NAB2: variants seen among roughly 807,000 people sequenced by gnomAD.
NAB2 encodes the protein NGFI-A binding protein 2.
Under a neutral mutation model 44.2 loss-of-function variants are expected in NAB2, and 9 were observed. The observed-to-expected ratio is 0.20, with a 90% confidence interval of 0.12 to 0.36. NAB2 has a LOEUF of 0.36. Among genes scored for constraint, NAB2 ranks in the 10% least tolerant of loss-of-function variants. The pLI, the probability that NAB2 is intolerant of heterozygous loss-of-function variation, is 1.00. For missense variants in NAB2, 514 were observed against 709.0 expected (o/e 0.73, Z 3.12); for synonymous variants, 342 against 291.0 (o/e 1.18, Z -1.78).
chr12:57,093,107 C>T lies in NAB2; in HGVS notation c.1188C>T (p.Gly396=). ...CTGAAATCCAGCAGCCTCCCCCAGG[C>T]CCTGAGTCCTATGTACCCCCATACC... is the stretch of plus-strand genomic sequence containing the variant. ...SHPEIQQPPP[G]PESYVPPYRP... The change falls in exon 5 of 7, where the codon GGC becomes GGT. Residue 396 remains glycine (G), a synonymous_variant. Coordinates refer to ENST00000300131, the MANE Select transcript of NAB2 (RefSeq NM_005967.4). 1.9e-6 allele frequency: 3 copies of T among 1,613,282 alleles called. No homozygotes were observed. The highest frequency in any genetic ancestry group is 2.5e-6 in the Non-Finnish European group (3 of 1,179,504).
intron 1 of NAB2, 36 bp downstream of exon 1, chr12:57,089,390 T>C (rs1423029443): frequency 8.0e-7 from 1 of 1,246,204 alleles, no homozygotes; most frequent in Non-Finnish European, 1.0e-6. Flanking sequence ...GGAGTGGAGA[T>C]GGGTGGAGCT....
chr12:57,089,615 C>T (rs1236987940), intron 1 of NAB2, among the ~76,000 whole-genome samples: 1 of 152,012 alleles, frequency 6.6e-6, no homozygotes, highest in Non-Finnish European at 1.5e-5. Context: ...CCTAAGAGCC[C>T]CCTGCAAAGA....
rs544483194 is a variant in NAB2 at position 57,092,459 on chromosome 12, C to T, written c.969C>T (p.Asn323=). ...KQLSLHELTI[N]EAAAQFCMRD... is the part of the protein sequence containing the mutation. ...CCCTCCCTCCACAGCTCACCATCAACGAGGCTGCTGCCCAGTTCTGCATGA... is the reference window on the plus strand; with the variant it reads ...CCCTCCCTCCACAGCTCACCATCAATGAGGCTGCTGCCCAGTTCTGCATGA... Residue 323 remains asparagine, a synonymous_variant, in exon 3 of 7, where the codon AAC becomes AAT. Coordinates refer to ENST00000300131, the MANE Select transcript of NAB2 (RefSeq NM_005967.4). 4.2e-5 allele frequency: 68 copies of T among 1,613,978 alleles called. No individual in the cohort carries two copies. In the South Asian group the frequency reaches 4.4e-4, roughly 10 times the overall value.
At position 57,089,115 on chromosome 12, in the gene NAB2, G is replaced by C. The variant is rs1355982704; in HGVS notation, c.-157G>C. On this transcript the variant is annotated 5_prime_UTR_variant, in exon 1 of 7. Transcript: ENST00000300131. ...GGGAGGGTGGGGGGGCAGAGGCACAGACAGAGGCGCGGAGGCTCGGAGAGA... is the reference window on the plus strand; with the variant it reads ...GGGAGGGTGGGGGGGCAGAGGCACACACAGAGGCGCGGAGGCTCGGAGAGA... 1.3e-6 allele frequency: 1 copy of C among 759,944 alleles called. No homozygotes were observed. The highest frequency in any genetic ancestry group is 2.1e-6 in the Non-Finnish European group (1 of 472,560). The allele number at this position is 759,944 out of a possible 1,614,324, so 47.1% of individuals were successfully genotyped here. A position where few individuals can be genotyped will look rare whatever the true frequency, so the allele number is the denominator to read the frequency against.
chr12:57,092,693 T>G, intron 3 of NAB2, 112 bp downstream of exon 3: 1 of 1,444,568 alleles, frequency 6.9e-7, no homozygotes, highest in Non-Finnish European at 9.4e-7. Flanking sequence ...CACCTGGATG[T>G]CCTGCTTTTG....
Position 57,092,905 on chromosome 12 carries a change from C to T in NAB2, c.1092-12C>T. 1 of 1,614,156 alleles carries T rather than the reference C, an allele frequency of 6.2e-7. No individual in the cohort carries two copies. Among genetic ancestry groups the T allele is most frequent in the Non-Finnish European group, 8.5e-7 (1 of 1,179,992 alleles). ...TCAGCCTCATCCACTTTATTCTTAC[C>T]CATCTTTTCAGGCTTCACCCTGAAG... On this transcript the variant is annotated splice_polypyrimidine_tract_variant and intron_variant, in intron 3 of 6. Coordinates refer to ENST00000300131, the MANE Select transcript of NAB2 (RefSeq NM_005967.4).
rs962032465 is a variant in NAB2 at position 57,093,513 on chromosome 12, C to T, written c.1383C>T (p.Asp461=). Residue 461 remains aspartate, a synonymous_variant, in exon 6 of 7, where the codon GAC becomes GAT. Transcript: ENST00000300131. ...ACATCCTGCAGCAGACACTGATGGA[C>T]GAGGGGCTGCGGCTCGCCCGCCTCG... ...SRHILQQTLM[D]EGLRLARLVS... is the part of the protein sequence containing the mutation. 29 of 1,573,064 alleles carry T rather than the reference C, an allele frequency of 1.8e-5. No homozygotes were observed. In the East Asian group the frequency reaches 2.9e-4, roughly 16 times the overall value.
At chr12:57,092,607 C>G (rs758233022) in intron 3 of NAB2, 26 bp downstream of exon 3, 2 of 1,612,794 alleles carry the variant, frequency 1.2e-6, no homozygotes, top group South Asian at 2.2e-5. Context: ...CAGGTCCTTC[C>G]TGGACTGGAA....
Position 57,092,010 on chromosome 12 carries a change from C to A in NAB2, c.957+12C>A. Reference sequence around the variant, plus strand: ...TCAGCCTGCACGAGGTGAGAACCCCCAGGCCTCCTAGGATTGCCCTTGACT... The same window carrying A: ...TCAGCCTGCACGAGGTGAGAACCCCAAGGCCTCCTAGGATTGCCCTTGACT... On this transcript the variant is annotated intron_variant, in intron 2 of 6. Transcript: ENST00000300131. 1 of 1,592,924 alleles carries A rather than the reference C, an allele frequency of 6.3e-7. No homozygotes were observed. Among genetic ancestry groups the A allele is most frequent in the Non-Finnish European group, 8.6e-7 (1 of 1,167,616 alleles).
rs1413740256 is a variant in NAB2 at position 57,091,023 on chromosome 12, G to A, written c.84-102G>A. On this transcript the variant is annotated intron_variant, in intron 1 of 6. Transcript: ENST00000300131. This position sits in a 1 kb window ranked among gnomAD's most constrained non-coding sequence, Gnocchi z 7.3. ...AGGATAGCATCCAAATGAGGGAGGG[G>A]AAGAAAAGCAGGCAGGAAAGAGGGA... The A allele has an allele frequency of 2.9e-6, 3 of 1,042,480 alleles. No homozygotes were observed. Among genetic ancestry groups the A allele is most frequent in the African/African-American group, 3.2e-5 (2 of 63,018 alleles). The allele number at this position is 1,042,480 out of a possible 1,614,324, so 64.6% of individuals were successfully genotyped here.
chr12:57,092,273 C>A, intron 2 of NAB2, 175 bp from the exon 3 acceptor site: 1 of 1,083,934 alleles, frequency 9.2e-7, no homozygotes, highest in Non-Finnish European at 1.3e-6. Flanking sequence ...TCCTAGGAAG[C>A]TGTGGGTGCT....
Position 57,091,445 on chromosome 12 carries a change from G to A in NAB2, c.404G>A (p.Gly135Asp). ...IPLFKISETA[G>D]TRKGSMSNGH... The stretch of plus-strand genomic sequence containing the variant: ...CTCTTCAAGATCTCTGAGACTGCGG[G>A]TACCCGGAAAGGGAGCATGAGCAAT... Residue 135 changes from glycine (G) to aspartate (D), a missense_variant, in exon 2 of 7, where the codon GGT becomes GAT. This residue lies in a region of NAB2 where 177 missense variants were observed against 200.5 expected (regional missense o/e 0.88). Coordinates refer to ENST00000300131, the MANE Select transcript of NAB2 (RefSeq NM_005967.4). This position sits in a 1 kb window ranked among gnomAD's most constrained non-coding sequence, Gnocchi z 7.3. The A allele has an allele frequency of 6.2e-7, 1 of 1,614,222 alleles. No individual in the cohort carries two copies. Among genetic ancestry groups the A allele is most frequent in the Non-Finnish European group, 8.5e-7 (1 of 1,180,044 alleles).
In NAB2 at chr12:57,091,823, C is replaced by T; in HGVS notation, c.782C>T (p.Ala261Val). The change falls in exon 2 of 7, where the codon GCT (alanine) becomes GTT (valine). Residue 261 changes from alanine (A) to valine (V), a missense_variant. By Grantham distance (64) the Ala-to-Val change is moderately conservative (BLOSUM62 0). Transcript: ENST00000300131. The surrounding 1 kb of genome is among the most constrained non-coding windows in gnomAD (Gnocchi z 7.3). ...TTCCGGAGCTTCCCAAGGGGGGATGCTGGGGAGGTCACATCCCTGCTAAAG... is the reference window on the plus strand; with the variant it reads ...TTCCGGAGCTTCCCAAGGGGGGATGTTGGGGAGGTCACATCCCTGCTAAAG... The part of the protein sequence containing the change: ...RIFRSFPRGD[A>V]GEVTSLLKLN... The T allele has an allele frequency of 6.2e-7, 1 of 1,614,120 alleles. No individual in the cohort carries two copies. Among genetic ancestry groups the T allele is most frequent in the Non-Finnish European group, 8.5e-7 (1 of 1,179,966 alleles).
At position 57,089,474 on chromosome 12, in the gene NAB2, G is replaced by A. The variant is rs2033127166; in HGVS notation, c.83+120G>A. ...GGAAGCAGGACGGGGGTGGGGGGTG[G>A]AGACTGATGGAAAAGGGGGTGCGTC... is the stretch of plus-strand genomic sequence containing the variant. On this transcript the variant is annotated intron_variant, in intron 1 of 6. Coordinates refer to ENST00000300131, the MANE Select transcript of NAB2 (RefSeq NM_005967.4). 4.0e-6 allele frequency: 3 copies of A among 741,130 alleles called. No homozygotes were observed. In the Admixed American group the frequency reaches 9.1e-5, roughly 22 times the overall value. 45.9% of individuals were successfully genotyped at this position (741,130 alleles called of 1,614,324 possible).
intron 4 of NAB2, 41 bp from the exon 5 acceptor site, chr12:57,093,022 C>T (rs751401482): frequency 1.2e-6 from 2 of 1,614,100 alleles, no homozygotes; most frequent in East Asian, 2.2e-5. Context: ...CCAATCCCCT[C>T]CCTTGGCAGG....
Position 57,093,464 on chromosome 12 carries a change from C to A in NAB2, c.1334C>A (p.Pro445Gln). Reference protein sequence around the residue: ...PPPADLPLALPAHGLWSRHIL... With the variant: ...PPPADLPLALQAHGLWSRHIL... ...CCTGCTGACCTGCCTCTGGCATTGC[C>A]AGCCCATGGGCTATGGAGCCGACAC... Residue 445 changes from proline to glutamine, a missense_variant, in exon 6 of 7, where the codon CCA (proline) becomes CAA (glutamine). Transcript: ENST00000300131. The A allele has an allele frequency of 6.2e-7, 1 of 1,600,590 alleles. No individual in the cohort carries two copies. The highest frequency in any genetic ancestry group is 8.5e-7 in the Non-Finnish European group (1 of 1,174,426).
In NAB2 at chr12:57,094,876, T is replaced by G. The variant is rs768078043; in HGVS notation, c.*155T>G. 7.9e-6 allele frequency: 5 copies of G among 636,574 alleles called. No individual in the cohort carries two copies. Among genetic ancestry groups the G allele is most frequent in the Non-Finnish European group, 1.4e-5 (5 of 369,320 alleles). The allele number at this position is 636,574 out of a possible 1,614,324, so 39.4% of individuals were successfully genotyped here. On this transcript the variant is annotated 3_prime_UTR_variant, in exon 7 of 7. Transcript: ENST00000300131. ...CTCCATGGGCATAAGACTGTGGGGC[T>G]TCAAGCAATAACAAGCAGAGGCCTG...
Position 57,089,308 on chromosome 12 carries a change from C to T in NAB2, c.37C>T (p.Pro13Ser). ...RAPSPTAEQPPGGGDSARRTL... is the reference protein window; with the variant it reads ...RAPSPTAEQPSGGGDSARRTL... The stretch of plus-strand genomic sequence containing the variant: ...GCCTTCCCCCACAGCCGAGCAGCCG[C>T]CGGGCGGAGGGGACAGCGCCCGCCG... Residue 13 changes from proline (P) to serine (S), a missense_variant, in exon 1 of 7, where the codon CCG becomes TCG. By Grantham distance (74) the Pro-to-Ser change is moderately conservative. Around this residue, in one of 5 missense-constraint regions of NAB2, gnomAD observed 56 missense variants for 45.5 expected, o/e 1.23. Coordinates refer to ENST00000300131, the MANE Select transcript of NAB2 (RefSeq NM_005967.4). 6.3e-7 allele frequency: 1 copy of T among 1,579,294 alleles called. No homozygotes were observed. Among genetic ancestry groups the T allele is most frequent in the Non-Finnish European group, 8.6e-7 (1 of 1,163,148 alleles).
chr12:57,092,871 T>C, intron 3 of NAB2, 46 bp from the exon 4 acceptor site: 1 of 1,607,106 alleles, frequency 6.2e-7, no homozygotes, highest in Non-Finnish European at 8.5e-7. Flanking sequence ...GCCAGTCGAG[T>C]GGCCCTCGTC....
Sources: gnomAD v4.1 joint callset for allele counts (sites outside exome capture counted in the v4.1 genomes callset) on GRCh38, gnomAD v4.1.1 for gene constraint, gnomAD v4.1.1 regional missense constraint, Gnocchi (gnomAD v3.1) non-coding constraint, MANE v1.5 for transcripts, NCBI Gene and HGNC (gene_info 2026-07-23, HGNC 2026-07-21) for gene names.